Variants in ATP2C2 observed in about 807,000 individuals in gnomAD.
ATP2C2 encodes ATPase secretory pathway Ca2+ transporting 2, also known as calcium-transporting ATPase type 2C member 2.
ATP2C2 carries 171 observed loss-of-function variants against 110.8 expected under a neutral mutation model. That is an observed-to-expected ratio of 1.54 (90% CI 1.36 to 1.75). The LOEUF (loss-of-function observed/expected upper bound fraction) is 1.75, where lower values mean the gene tolerates loss of function less well. Among genes scored for constraint, ATP2C2 ranks in the 40% most tolerant of loss-of-function variants. The pLI is 0.00. For synonymous variants in ATP2C2, 804 were observed against 508.4 expected, an observed-to-expected ratio of 1.58 and a Z score of -7.82; for missense variants, 1,963 against 1,235.0, an observed-to-expected ratio of 1.59 and a Z score of -8.84.
chr16:84,430,602 T>G (rs183942106), intron 11 of ATP2C2, among the ~76,000 whole-genome samples: 1 of 142,376 alleles, frequency 7.0e-6, no homozygotes, highest in African/African-American at 2.6e-5. Flanking sequence ...ATCACACTAC[T>G]GCCCTCCAGC....
intron 1 of ATP2C2, among the ~76,000 whole-genome samples, chr16:84,371,691 G>A (rs1020278319): frequency 3.3e-5 from 5 of 152,338 alleles, no homozygotes; most frequent in Admixed American, 6.5e-5. Flanking sequence ...CATCTCTTAA[G>A]TGAGGCAGGT....
chr16:84,382,791 G>A (rs531062114), intron 1 of ATP2C2, among the ~76,000 whole-genome samples: 105 of 151,982 alleles, frequency 6.9e-4, no homozygotes, highest in African/African-American at 2.3e-3. Context: ...AGCTACTTGG[G>A]AGGCTCAGGC....
intron 3 of ATP2C2, chr16:84,406,623 C>T (rs552773091): frequency 1.2e-4 from 114 of 985,514 alleles, no homozygotes; most frequent in African/African-American, 1.1e-3. Flanking sequence ...TTCATCGATG[C>T]GTTTTGGCAG....
At chr16:84,455,493 A>C (rs1484073084) in intron 21 of ATP2C2, among the ~76,000 whole-genome samples, 1 of 152,180 alleles carries the variant, frequency 6.6e-6, no homozygotes, top group Non-Finnish European at 1.5e-5. Flanking sequence ...GGTGCTCTCT[A>C]GGTTCTGGGG....
At chr16:84,403,301 A>G (rs1905462875) in intron 2 of ATP2C2, among the ~76,000 whole-genome samples, 1 of 152,114 alleles carries the variant, frequency 6.6e-6, no homozygotes, top group South Asian at 2.1e-4. Flanking sequence ...AAAATTTACC[A>G]TCTTAACCTT....
At chr16:84,383,468 C>A (rs1056672323) in intron 1 of ATP2C2, among the ~76,000 whole-genome samples, 1 of 152,196 alleles carries the variant, frequency 6.6e-6, no homozygotes, top group Non-Finnish European at 1.5e-5. Flanking sequence ...TCAGCCAATG[C>A]GGGTTGAACC....
chr16:84,444,906 C>T (rs1272780792), intron 15 of ATP2C2, among the ~76,000 whole-genome samples: 1 of 152,198 alleles, frequency 6.6e-6, no homozygotes, highest in African/African-American at 2.4e-5. Flanking sequence ...GGCACTGAGG[C>T]CAGGCCAGTG....
At position 84,383,680 on chromosome 16, in the gene ATP2C2, C is replaced by T. The variant is rs1004813486; in HGVS notation, c.100-14819C>T. Reference sequence around the variant, plus strand: ...CTGGCTGCATTGTCCTCAGCCTCACCGCCCCCATTTAGACATAAATTGCAG... The same window carrying T: ...CTGGCTGCATTGTCCTCAGCCTCACTGCCCCCATTTAGACATAAATTGCAG... On this transcript the variant is annotated intron_variant, in intron 1 of 26. Coordinates refer to ENST00000262429, the MANE Select transcript of ATP2C2 (RefSeq NM_014861.4). Among the ~76,000 whole-genome samples, 10 of 150,644 alleles carry T rather than the reference C, an allele frequency of 6.6e-5. No homozygotes were observed. In the East Asian group the frequency reaches 9.7e-4, roughly 15 times the overall value.
At chr16:84,452,881 T>A (rs556333734) in intron 18 of ATP2C2, among the ~76,000 whole-genome samples, 5 of 152,308 alleles carry the variant, frequency 3.3e-5, no homozygotes, top group Non-Finnish European at 5.9e-5. Context: ...CGTGTCAGGT[T>A]CCAGTGTTAC....
intron 7 of ATP2C2, among the ~76,000 whole-genome samples, chr16:84,421,684 G>A (rs1403498536): frequency 1.3e-5 from 2 of 152,154 alleles, no homozygotes; most frequent in African/African-American, 2.4e-5. Flanking sequence ...TAAGAGTATC[G>A]TTTCTGGAAC....
At chr16:84,416,378 G>A (rs1256204982) in intron 7 of ATP2C2, among the ~76,000 whole-genome samples, 1 of 152,184 alleles carries the variant, frequency 6.6e-6, no homozygotes, top group Non-Finnish European at 1.5e-5. Flanking sequence ...ACTGTTCAAA[G>A]CTTTGCATGA....
chr16:84,441,914 C>G (rs905084219), intron 14 of ATP2C2, among the ~76,000 whole-genome samples: 3 of 151,696 alleles, frequency 2.0e-5, no homozygotes, highest in African/African-American at 2.4e-5. Flanking sequence ...TAGAATGAGA[C>G]TCCATCTCGA....
intron 10 of ATP2C2, among the ~76,000 whole-genome samples, chr16:84,425,266 A>G (rs766257273): frequency 2.0e-5 from 3 of 152,214 alleles, no homozygotes; most frequent in Non-Finnish European, 2.9e-5. Flanking sequence ...ACTGGTGTGC[A>G]GTACGTATTT....
rs371701855 is a variant in ATP2C2 at position 84,463,597 on chromosome 16, G to C, written c.2723-17G>C. On this transcript the variant is annotated splice_polypyrimidine_tract_variant and intron_variant, in intron 26 of 26. Transcript: ENST00000262429. ...CTGCAGCCCGTCCTGAATCTTTTCT[G>C]TTTTCTCCCTTGGCAGATTTGCTGT... The C allele has an allele frequency of 4.4e-6, 7 of 1,603,172 alleles. No homozygotes were observed. In the African/African-American group the frequency reaches 5.4e-5, roughly 12 times the overall value.
In ATP2C2 at chr16:84,443,214, G is replaced by A. The variant is rs117095627; in HGVS notation, c.1401+615G>A. ...AAAGCAAGGAGAAGAGAGGACAAAGGACATGGGAAAGGAGGGGCCGGCAGA... is the reference window on the plus strand; with the variant it reads ...AAAGCAAGGAGAAGAGAGGACAAAGAACATGGGAAAGGAGGGGCCGGCAGA... On this transcript the variant is annotated intron_variant, in intron 15 of 26. Transcript: ENST00000262429. 6.1e-3 allele frequency among the ~76,000 whole-genome samples: 923 copies of A among 152,226 alleles called. 2 individuals carry two copies. Among genetic ancestry groups the A allele is most frequent in the Middle Eastern group, 0.017 (5 of 294 alleles).
chr16:84,392,955 C>T (rs1904748526), intron 1 of ATP2C2, among the ~76,000 whole-genome samples: 1 of 152,300 alleles, frequency 6.6e-6, no homozygotes, highest in South Asian at 2.1e-4. Flanking sequence ...GGCTGCCTGA[C>T]AGCGTAGGTG....
chr16:84,397,751 A>T (rs1235584436), intron 1 of ATP2C2, among the ~76,000 whole-genome samples: 1 of 151,704 alleles, frequency 6.6e-6, no homozygotes, highest in Non-Finnish European at 1.5e-5. Flanking sequence ...AGGAGAACAA[A>T]TACAATGTGA....
At chr16:84,398,469 C>T (rs530463513) in intron 1 of ATP2C2, 30 bp from the exon 2 acceptor site, 29 of 1,478,374 alleles carry the variant, frequency 2.0e-5, no homozygotes, top group Admixed American at 9.0e-5. Context: ...AAGTTCAATC[C>T]GCTAAACAGC....
chr16:84,400,383 G>A (rs1306124762), intron 2 of ATP2C2, among the ~76,000 whole-genome samples: 2 of 151,392 alleles, frequency 1.3e-5, no homozygotes, highest in Non-Finnish European at 2.9e-5. Context: ...CTGGAGTGCG[G>A]TGGCGCGATC....
Sources: gnomAD v4.1 joint callset for allele counts (sites outside exome capture counted in the v4.1 genomes callset) on GRCh38, gnomAD v4.1.1 for gene constraint, MANE v1.5 for transcripts, NCBI Gene and HGNC (gene_info 2026-07-23, HGNC 2026-07-21) for gene names.